Variants in LONRF3 observed in about 807,000 individuals in gnomAD.
LONRF3 encodes the protein LON peptidase N-terminal domain and ring finger 3, also known as LON peptidase N-terminal domain and RING finger protein 3.
Under a neutral mutation model 51.7 loss-of-function variants are expected in LONRF3, and 19 were observed. The ratio of observed to expected loss-of-function variants is 0.37; its 90% CI spans 0.26 to 0.54. LONRF3 has a LOEUF of 0.54. Among genes scored for constraint, LONRF3 ranks in the 20% least tolerant of loss-of-function variants. LONRF3 has a pLI of 0.86. For missense variants in LONRF3, 521 were observed against 623.9 expected (o/e 0.84, Z 1.76); for synonymous variants, 265 against 257.8 (o/e 1.03, Z -0.27).
intron 2 of LONRF3, among the ~76,000 whole-genome samples, chrX:118,981,483 C>CAAA (rs10669908): frequency 0.41 from 30,868 of 75,717 alleles, 6,008 homozygotes; most frequent in East Asian, 0.44. Context: ...GATTCTATCT[C>CAAA]AAAAAAAAAA....
chrX:118,996,933 A>G (rs1320694359), intron 5 of LONRF3, among the ~76,000 whole-genome samples: 1 of 109,139 alleles, frequency 9.2e-6, no homozygotes, highest in African/African-American at 3.3e-5. Flanking sequence ...AAAAAAAAAA[A>G]AAAAAGCAAA....
intron 3 of LONRF3, among the ~76,000 whole-genome samples, chrX:118,988,917 T>C (rs1923206350): frequency 9.1e-6 from 1 of 109,772 alleles, no homozygotes; most frequent in Admixed American, 9.8e-5. Flanking sequence ...GGCAGGCCTG[T>C]GAACAGACCT....
intron 5 of LONRF3, among the ~76,000 whole-genome samples, chrX:119,002,704 G>A (rs142959659): frequency 6.3e-5 from 7 of 111,931 alleles, no homozygotes; most frequent in African/African-American, 1.6e-4. Context: ...TTTGCTAGTC[G>A]TATGTGTTGC....
intron 7 of LONRF3, among the ~76,000 whole-genome samples, chrX:119,011,533 C>T (rs776001120): frequency 1.8e-5 from 2 of 112,283 alleles, no homozygotes; most frequent in Non-Finnish European, 3.8e-5. Context: ...TACTAGAGAA[C>T]TTCTTCAGCC....
At chrX:118,983,714 T>C (rs1444245143) in intron 3 of LONRF3, among the ~76,000 whole-genome samples, 1 of 112,283 alleles carries the variant, frequency 8.9e-6, no homozygotes, top group African/African-American at 3.2e-5. Flanking sequence ...TCTGCTCTCC[T>C]TGTGCCCCAC....
At chrX:119,002,343 T>A (rs905753870) in intron 5 of LONRF3, among the ~76,000 whole-genome samples, 8 of 112,249 alleles carry the variant, frequency 7.1e-5, no homozygotes, top group Non-Finnish European at 1.5e-4. Flanking sequence ...TGCAATCTAG[T>A]TTTGCCTATG....
intron 5 of LONRF3, among the ~76,000 whole-genome samples, chrX:119,000,401 GGTGTGTAA>G (rs1924188117): frequency 8.9e-6 from 1 of 112,054 alleles, no homozygotes; most frequent in Non-Finnish European, 1.9e-5. Context: ...AATAATCGGA[GGTGTGTAA>G]GTGAGGACCA....
At position 119,011,941 on chromosome X, in the gene LONRF3, G is replaced by A; in HGVS notation, c.1779G>A (p.Gln593=). The change falls in exon 8 of 11, where the codon CAG becomes CAA. Residue 593 remains glutamine, a synonymous_variant. Coordinates refer to ENST00000371628, the MANE Select transcript of LONRF3 (RefSeq NM_001031855.3). ...IRRCIETGTR[Q]FGMCLGDPVK... is the part of the protein sequence containing the mutation. ...GATGCATTGAGACAGGCACGAGACA[G>A]TTTGGCATGTGCCTTGGAGATCCTG... 1 of 1,211,981 alleles carries A rather than the reference G, an allele frequency of 8.3e-7. No homozygotes were observed. Among genetic ancestry groups the A allele is most frequent in the Non-Finnish European group, 1.1e-6 (1 of 895,518 alleles).
At chrX:118,977,950 T>C (rs1029845396) in intron 1 of LONRF3, among the ~76,000 whole-genome samples, 1 of 111,285 alleles carries the variant, frequency 9.0e-6, no homozygotes, top group Non-Finnish European at 1.9e-5. Flanking sequence ...CAGATAGGGG[T>C]CACATCTGCC....
chrX:119,002,791 T>A (rs1446119306), intron 5 of LONRF3, among the ~76,000 whole-genome samples: 2 of 111,360 alleles, frequency 1.8e-5, no homozygotes, highest in African/African-American at 6.5e-5. Context: ...GCGCTTCTTC[T>A]TGTTTTTTTA....
intron 2 of LONRF3, among the ~76,000 whole-genome samples, chrX:118,982,424 G>A (rs189518586): frequency 3.8e-3 from 423 of 111,501 alleles, no homozygotes; most frequent in Non-Finnish European, 6.9e-3. Flanking sequence ...TAGTTCAAAC[G>A]AACGCATACC....
intron 8 of LONRF3, 128 bp from the exon 9 acceptor site, chrX:119,012,911 C>T: frequency 1.7e-6 from 2 of 1,202,101 alleles, no homozygotes; most frequent in Non-Finnish European, 2.2e-6. Context: ...AAGCTGTAAC[C>T]CAGGGACAGG....
At position 119,002,801 on chromosome X, in the gene LONRF3, A is replaced by AT. The variant is rs760245129; in HGVS notation, c.1416-3310dup. 1.6e-3 allele frequency among the ~76,000 whole-genome samples: 171 copies of AT among 105,736 alleles called. 2 individuals are homozygous for AT. Among genetic ancestry groups the AT allele is most frequent in the African/African-American group, 5.2e-3 (151 of 29,109 alleles). The allele number at this position is 105,736 out of a possible 115,157, so 91.8% of individuals were successfully genotyped here. On this transcript the variant is annotated intron_variant, in intron 5 of 10. Transcript: ENST00000371628. The stretch of plus-strand genomic sequence containing the variant: ...TAAAAGCGCTTCTTCTTGTTTTTTT[A>AT]TTTTTTTTTTATTTTGAGATGGAGT...
intron 10 of LONRF3, among the ~76,000 whole-genome samples, chrX:119,016,501 C>A (rs7066489): frequency 2.0e-3 from 216 of 109,130 alleles, no homozygotes; most frequent in African/African-American, 6.6e-3. Context: ...AAGCCCGCCA[C>A]CGCGCCCGGC....
At position 118,974,730 on chromosome X, in the gene LONRF3, T is replaced by C; in HGVS notation, c.-51T>C. 1.9e-6 allele frequency: 2 copies of C among 1,053,821 alleles called. No homozygotes were observed. The highest frequency in any genetic ancestry group is 2.5e-6 in the Non-Finnish European group (2 of 790,526). 86.8% of individuals were successfully genotyped at this position (1,053,821 alleles called of 1,213,427 possible). A position where few individuals can be genotyped will look rare whatever the true frequency, so the allele number is the denominator to read the frequency against. ...ATTTCCTCCAGCTGCCACTCCTTGC[T>C]TCGTGTCCCCGGTCCCTAGACGCCT... is the stretch of plus-strand genomic sequence containing the variant. On this transcript the variant is annotated 5_prime_UTR_variant, in exon 1 of 11. Transcript: ENST00000371628.
intron 3 of LONRF3, among the ~76,000 whole-genome samples, chrX:118,988,079 G>A (rs1195929153): frequency 9.0e-6 from 1 of 111,047 alleles, no homozygotes; most frequent in Non-Finnish European, 1.9e-5. Flanking sequence ...CATCTTTAGG[G>A]GGCAGTTTTC....
At chrX:118,994,587 G>A in intron 5 of LONRF3, among the ~76,000 whole-genome samples, 1 of 110,520 alleles carries the variant, frequency 9.0e-6, no homozygotes, top group East Asian at 2.8e-4. Context: ...ATTTTTAGTA[G>A]AGACTGGGTT....
At chrX:118,984,642 T>C (rs1164827515) in intron 3 of LONRF3, among the ~76,000 whole-genome samples, 1 of 112,243 alleles carries the variant, frequency 8.9e-6, no homozygotes, top group Non-Finnish European at 1.9e-5. Flanking sequence ...GAGGCATAAG[T>C]CACAGTTTTA....
chrX:119,015,416 AG>A (rs1397656033), intron 10 of LONRF3, among the ~76,000 whole-genome samples: 3 of 111,711 alleles, frequency 2.7e-5, no homozygotes, highest in African/African-American at 9.8e-5. Flanking sequence ...CTAAGACACC[AG>A]TCTGTTCCCT....
Sources: allele counts gnomAD v4.1 joint callset (sites outside exome capture counted in the v4.1 genomes callset), GRCh38; gene constraint gnomAD v4.1.1; transcripts MANE v1.5; gene names NCBI Gene and HGNC (gene_info 2026-07-23, HGNC 2026-07-21).